APOO: variants seen among roughly 807,000 people sequenced by gnomAD.
APOO encodes apolipoprotein O, also known as MICOS complex subunit MIC26.
Under a neutral mutation model 23.1 loss-of-function variants are expected in APOO, and 11 were observed. That is an observed-to-expected ratio of 0.48 (90% CI 0.30 to 0.79). The LOEUF is 0.79. Among genes scored for constraint, APOO ranks in the 30% least tolerant of loss-of-function variants. The pLI is 0.07. For synonymous variants in APOO, 59 were observed against 54.8 expected, an observed-to-expected ratio of 1.08 and a Z score of -0.34; for missense variants, 160 against 142.7, an observed-to-expected ratio of 1.12 and a Z score of -0.62.
intron 1 of APOO, among the ~76,000 whole-genome samples, chrX:23,905,050 G>A (rs1403995884): frequency 9.1e-6 from 1 of 110,176 alleles, no homozygotes; most frequent in Non-Finnish European, 1.9e-5. Context: ...TGTCCTCCAA[G>A]GTTTGTTGTG....
intron 6 of APOO, among the ~76,000 whole-genome samples, chrX:23,857,007 C>T (rs1350402568): frequency 8.9e-6 from 1 of 111,793 alleles, no homozygotes; most frequent in Non-Finnish European, 1.9e-5. Flanking sequence ...CCAAATACCA[C>T]ATGTTCTTAC....
At chrX:23,867,113 C>T (rs910662202) in intron 5 of APOO, among the ~76,000 whole-genome samples, 3 of 44,754 alleles carry the variant, frequency 6.7e-5, no homozygotes, top group Admixed American at 4.8e-4. Flanking sequence ...TTAAGCTAAA[C>T]GAAACGAAAC....
At chrX:23,860,746 T>TCCTGAGCTCAAG (rs1327159955) in intron 5 of APOO, among the ~76,000 whole-genome samples, 5 of 104,785 alleles carry the variant, frequency 4.8e-5, no homozygotes, top group Non-Finnish European at 9.8e-5. Context: ...GGTCTTGAAC[T>TCCTGAGCTCAAG]CCTGAGCTCA....
chrX:23,868,823 C>T (rs1391686046), intron 4 of APOO, 135 bp from the exon 5 acceptor site: 3 of 352,800 alleles, frequency 8.5e-6, no homozygotes, highest in Non-Finnish European at 1.5e-5. Flanking sequence ...CATCCTGCTA[C>T]TATACTTCTC....
chrX:23,890,559 C>T (rs1926610406), intron 1 of APOO, among the ~76,000 whole-genome samples: 1 of 112,319 alleles, frequency 8.9e-6, no homozygotes, highest in African/African-American at 3.2e-5. Flanking sequence ...GGTGCAGAAG[C>T]GATACGCATT....
intron 1 of APOO, among the ~76,000 whole-genome samples, chrX:23,893,529 C>T (rs1926767592): frequency 8.9e-6 from 1 of 111,740 alleles, no homozygotes; most frequent in South Asian, 3.7e-4. Context: ...AAGGAGCATT[C>T]AGGACAGTAT....
At chrX:23,889,877 G>A (rs1299367119) in intron 1 of APOO, among the ~76,000 whole-genome samples, 1 of 109,712 alleles carries the variant, frequency 9.1e-6, no homozygotes, top group Middle Eastern at 4.6e-3. Context: ...TAGCCAGGAT[G>A]GTCTCAATCT....
intron 5 of APOO, among the ~76,000 whole-genome samples, chrX:23,863,087 A>G (rs1442202565): frequency 8.9e-6 from 1 of 112,015 alleles, no homozygotes; most frequent in Non-Finnish European, 1.9e-5. Context: ...TAATCCCAGC[A>G]CTTTGGGAGG....
intron 1 of APOO, among the ~76,000 whole-genome samples, chrX:23,891,317 C>A (rs1193957878): frequency 9.0e-6 from 1 of 111,126 alleles, no homozygotes; most frequent in East Asian, 2.8e-4. Context: ...ATCTCCGCCT[C>A]CCGGGTTCAA....
intron 8 of APOO, 94 bp downstream of exon 8, chrX:23,840,219 T>A: frequency 2.1e-6 from 1 of 475,171 alleles, no homozygotes; most frequent in Non-Finnish European, 3.2e-6. Context: ...AAATTGAAAC[T>A]GTTATAATTA....
At chrX:23,844,060 A>T (rs1924124591) in intron 7 of APOO, among the ~76,000 whole-genome samples, 1 of 111,793 alleles carries the variant, frequency 8.9e-6, no homozygotes, top group Admixed American at 9.6e-5. Context: ...ACAATTACTT[A>T]ACTTCTCCAA....
chrX:23,847,703 G>A (rs1924313234), intron 7 of APOO, among the ~76,000 whole-genome samples: 1 of 106,815 alleles, frequency 9.4e-6, no homozygotes, highest in Admixed American at 1.0e-4. Context: ...CGAACACAGC[G>A]CTCACTGCAG....
intron 4 of APOO, among the ~76,000 whole-genome samples, chrX:23,869,348 T>C (rs909632833): frequency 6.3e-5 from 7 of 111,294 alleles, no homozygotes; most frequent in African/African-American, 2.0e-4. Context: ...CAGGGATCCT[T>C]TGCTATTCAA....
intron 7 of APOO, 79 bp downstream of exon 7, chrX:23,856,223 G>T: frequency 3.1e-6 from 3 of 967,479 alleles, no homozygotes; most frequent in Admixed American, 2.7e-5. Context: ...AATCAACAGG[G>T]TTATCAAATA....
intron 8 of APOO, chrX:23,836,625 CTT>C (rs1168904773): frequency 5.4e-3 from 3,092 of 570,152 alleles, no homozygotes; most frequent in East Asian, 0.013. Context: ...AGCCTAATTT[CTT>C]TTTTTTTTTT....
In APOO at chrX:23,867,139, GAAACGAAACTAAACT is replaced by G. The variant is rs1229428969; in HGVS notation, c.388+1439_388+1453del. Among the ~76,000 whole-genome samples, 4 of 108,300 alleles carry G rather than the reference GAAACGAAACTAAACT, an allele frequency of 3.7e-5. No individual in the cohort carries two copies. In the East Asian group the frequency reaches 1.1e-3, roughly 31 times the overall value. The allele number at this position is 108,300 out of a possible 115,157, so 94.0% of individuals were successfully genotyped here. A position where few individuals can be genotyped will look rare whatever the true frequency, so the allele number is the denominator to read the frequency against. ...GAAACGAAACGAAACGAAACGAAAC[GAAACGAAACTAAACT>G]AAACTAAAGTAAAAGCTATTGCATG... On this transcript the variant is annotated intron_variant, in intron 5 of 8. Coordinates refer to ENST00000379226, the MANE Select transcript of APOO (RefSeq NM_024122.5).
rs775228231 is a variant in APOO at position 23,880,933 on chromosome X, C to T, written c.29G>A (p.Gly10Glu). 1 of 1,181,355 alleles carries T rather than the reference C, an allele frequency of 8.5e-7. No individual in the cohort carries two copies. Among genetic ancestry groups the T allele is most frequent in the Non-Finnish European group, 1.1e-6 (1 of 881,668 alleles). The change falls in exon 2 of 9, where the codon GGG becomes GAG. Residue 10 changes from glycine (G) to glutamate (E), a missense_variant. Coordinates refer to ENST00000379226, the MANE Select transcript of APOO (RefSeq NM_024122.5). MFKVIQRSVGPASLSLLTFK... is the reference protein window; with the variant it reads MFKVIQRSVEPASLSLLTFK... ...GGTGAGCAAGCTCAGGCTGGCTGGCCCCACGGACCTCTGAATTACCTGAAA... is the reference window on the plus strand; with the variant it reads ...GGTGAGCAAGCTCAGGCTGGCTGGCTCCACGGACCTCTGAATTACCTGAAA...
chrX:23,900,271 G>A (rs895670435), intron 1 of APOO, among the ~76,000 whole-genome samples: 5 of 111,774 alleles, frequency 4.5e-5, no homozygotes, highest in African/African-American at 1.3e-4. Context: ...TGTAGTTCAC[G>A]GTTCTTTTCG....
At chrX:23,844,421 T>C (rs752494382) in intron 7 of APOO, among the ~76,000 whole-genome samples, 3 of 111,019 alleles carry the variant, frequency 2.7e-5, no homozygotes, top group Non-Finnish European at 3.8e-5. Flanking sequence ...GCCCTTAAAA[T>C]AGGGAGATGA....
Sources: gnomAD v4.1 joint callset for allele counts (sites outside exome capture counted in the v4.1 genomes callset) on GRCh38, gnomAD v4.1.1 for gene constraint, MANE v1.5 for transcripts, NCBI Gene and HGNC (gene_info 2026-07-23, HGNC 2026-07-21) for gene names.